Variants in FMN1 observed in about 807,000 individuals in gnomAD.
The protein encoded by FMN1 is formin 1.
In FMN1, 110 loss-of-function variants were observed where a neutral mutation model predicts 132.4. The observed-to-expected ratio is 0.83, with a 90% CI of 0.71 to 0.97. The LOEUF is 0.97. Ranked by LOEUF, FMN1 falls within the 50% of genes least tolerant of loss-of-function variation. The probability of loss-of-function intolerance (pLI) is 0.00; values close to 1 mark genes in which losing one functional copy is unlikely to be tolerated. For missense variants in FMN1, 1,792 were observed against 1,705.3 expected, an observed-to-expected ratio of 1.05 and a Z score of -0.90; for synonymous variants, 722 against 651.7, an observed-to-expected ratio of 1.11 and a Z score of -1.64.
intron 5 of FMN1, among the ~76,000 whole-genome samples, chr15:33,071,942 A>G (rs1382896579): frequency 6.6e-6 from 1 of 152,220 alleles, no homozygotes; most frequent in Non-Finnish European, 1.5e-5. Flanking sequence ...ATAAGCACCT[A>G]TTACACAAAA....
In FMN1 at chr15:32,785,216, ATATT is replaced by A. The variant is rs2056829215; in HGVS notation, c.4131-8301_4131-8298del. On this transcript the variant is annotated intron_variant, in intron 19 of 20. Coordinates refer to ENST00000616417, the MANE Select transcript of FMN1 (RefSeq NM_001277313.2). ...TGTGTGTGTGTATATATATATATAT[ATATT>A]TTTTTTTTTTTTTTTTTGTAGAGAT... is the stretch of plus-strand genomic sequence containing the variant. Among the ~76,000 whole-genome samples the A allele has an allele frequency of 2.0e-4, 4 of 20,088 alleles. 1 individual carries two copies. Among genetic ancestry groups the A allele is most frequent in the African/African-American group, 5.5e-4 (4 of 7,242 alleles). 13.2% of individuals were successfully genotyped at this position (20,088 alleles called of 152,430 possible). A position where few individuals can be genotyped will look rare whatever the true frequency, so the allele number is the denominator to read the frequency against.
At chr15:32,778,863 A>G (rs1368577618) in intron 19 of FMN1, among the ~76,000 whole-genome samples, 3 of 152,166 alleles carry the variant, frequency 2.0e-5, no homozygotes, top group Admixed American at 1.3e-4. Flanking sequence ...AAAAATTTGC[A>G]TATGAATGTT....
At chr15:32,980,669 A>G (rs918609170) in intron 7 of FMN1, among the ~76,000 whole-genome samples, 4 of 152,144 alleles carry the variant, frequency 2.6e-5, no homozygotes, top group Non-Finnish European at 5.9e-5. Context: ...TCCTGAATCT[A>G]TGTCTCTAAA....
At chr15:33,120,001 G>A (rs1357074024) in intron 4 of FMN1, among the ~76,000 whole-genome samples, 1 of 152,060 alleles carries the variant, frequency 6.6e-6, no homozygotes, top group Non-Finnish European at 1.5e-5. Context: ...GGAATGCGAT[G>A]GTAAGGATTA....
intron 5 of FMN1, among the ~76,000 whole-genome samples, chr15:33,087,110 T>A (rs2038725766): frequency 6.6e-6 from 1 of 152,238 alleles, no homozygotes; most frequent in African/African-American, 2.4e-5. Context: ...GGAAACTGGA[T>A]GGGTAAAGAG....
At chr15:32,788,417 G>T (rs2056952223) in intron 19 of FMN1, among the ~76,000 whole-genome samples, 1 of 152,194 alleles carries the variant, frequency 6.6e-6, no homozygotes, top group Non-Finnish European at 1.5e-5. Flanking sequence ...AGACATGCAT[G>T]TGCTAGCAGA....
chr15:32,923,198 C>G (rs763885616), intron 10 of FMN1, among the ~76,000 whole-genome samples: 2 of 152,190 alleles, frequency 1.3e-5, no homozygotes, highest in Non-Finnish European at 2.9e-5. Flanking sequence ...TCTTGCCAGG[C>G]GGCCAGCTGG....
intron 16 of FMN1, among the ~76,000 whole-genome samples, chr15:32,874,382 G>A (rs1285205887): frequency 2.0e-5 from 3 of 151,968 alleles, no homozygotes; most frequent in Non-Finnish European, 4.4e-5. Flanking sequence ...GGGATTTGGT[G>A]GAGTTAGGAA....
intron 17 of FMN1, among the ~76,000 whole-genome samples, chr15:32,823,115 C>T (rs2058264862): frequency 6.7e-6 from 1 of 149,702 alleles, no homozygotes; most frequent in Admixed American, 6.6e-5. Context: ...CACGAGCCCC[C>T]ATTCATGGTC....
chr15:32,983,658 A>T (rs994045389), intron 7 of FMN1, among the ~76,000 whole-genome samples: 1 of 152,104 alleles, frequency 6.6e-6, no homozygotes, highest in African/African-American at 2.4e-5. Flanking sequence ...TCTGCAACAA[A>T]ATCTCTCTCT....
At chr15:33,020,751 C>T (rs576708803) in intron 6 of FMN1, among the ~76,000 whole-genome samples, 1 of 152,148 alleles carries the variant, frequency 6.6e-6, no homozygotes, top group African/African-American at 2.4e-5. Context: ...AGAAACAGCA[C>T]ACATTTCCAA....
intron 6 of FMN1, among the ~76,000 whole-genome samples, chr15:33,053,673 C>G (rs905025216): frequency 2.0e-5 from 3 of 151,444 alleles, no homozygotes; most frequent in Non-Finnish European, 4.4e-5. Flanking sequence ...ACTCACAGAC[C>G]TAAAAAAAAA....
intron 3 of FMN1, among the ~76,000 whole-genome samples, chr15:33,169,724 TTTTTTTTTTC>T (rs920452251): frequency 3.5e-5 from 5 of 142,460 alleles, no homozygotes; most frequent in African/African-American, 5.5e-5. Context: ...ATAAAAAGCC[TTTTTTTTTTC>T]TTTTCCTTTT....
intron 19 of FMN1, among the ~76,000 whole-genome samples, chr15:32,791,514 G>A (rs950536852): frequency 6.6e-6 from 1 of 152,204 alleles, no homozygotes; most frequent in South Asian, 2.1e-4. Flanking sequence ...TCTAAATTCT[G>A]TTTTGGAAAG....
At chr15:33,040,858 G>A (rs951361364) in intron 6 of FMN1, among the ~76,000 whole-genome samples, 11 of 152,208 alleles carry the variant, frequency 7.2e-5, no homozygotes, top group Non-Finnish European at 1.3e-4. Context: ...GGACAGATCT[G>A]AAAACCATTT....
intron 6 of FMN1, among the ~76,000 whole-genome samples, chr15:33,038,979 A>C (rs540303620): frequency 6.6e-6 from 1 of 152,320 alleles, no homozygotes; most frequent in Non-Finnish European, 1.5e-5. Context: ...AAAAAGGCAG[A>C]TTCACAGACT....
At chr15:33,001,663 A>G (rs112172460) in intron 7 of FMN1, among the ~76,000 whole-genome samples, 2,226 of 133,516 alleles carry the variant, frequency 0.017, 62 homozygotes, top group African/African-American at 0.06. Flanking sequence ...TATTTGGGAC[A>G]TTGGACTTTC....
At chr15:33,170,514 C>G (rs1965277980) in intron 3 of FMN1, among the ~76,000 whole-genome samples, 1 of 145,472 alleles carries the variant, frequency 6.9e-6, no homozygotes, top group Non-Finnish European at 1.5e-5. Context: ...TGACAAGAAA[C>G]AAACATACAG....
At chr15:33,029,901 T>A (rs1453786073) in intron 6 of FMN1, among the ~76,000 whole-genome samples, 2 of 152,334 alleles carry the variant, frequency 1.3e-5, no homozygotes, top group East Asian at 3.9e-4. Flanking sequence ...CTCACGCCTG[T>A]AATCCCAGCA....
Sources: gnomAD v4.1 joint callset for allele counts (sites outside exome capture counted in the v4.1 genomes callset) on GRCh38, gnomAD v4.1.1 for gene constraint, MANE v1.5 for transcripts, NCBI Gene and HGNC (gene_info 2026-07-23, HGNC 2026-07-21) for gene names.